USP28: variants seen among roughly 807,000 people sequenced by gnomAD.
USP28 encodes ubiquitin carboxyl-terminal hydrolase 28.
Under a neutral mutation model 145.0 loss-of-function variants are expected in USP28, and 113 were observed. The ratio of observed to expected loss-of-function variants is 0.78; its 90% CI spans 0.67 to 0.91. USP28 has a LOEUF of 0.91. USP28 is among the 40% of genes least tolerant of loss of function. USP28 has a pLI of 0.00. For missense variants in USP28, 1,201 were observed against 1,289.6 expected (o/e 0.93, Z 1.05); for synonymous variants, 447 against 450.9 (o/e 0.99, Z 0.11).
At chr11:113,867,665 C>G (rs972472427) in intron 1 of USP28, among the ~76,000 whole-genome samples, 3 of 151,902 alleles carry the variant, frequency 2.0e-5, no homozygotes, top group Non-Finnish European at 2.9e-5. Flanking sequence ...GATTTTCAAA[C>G]AGTAGTACAC....
chr11:113,837,671 C>T (rs1944724206), intron 5 of USP28, among the ~76,000 whole-genome samples: 4 of 152,202 alleles, frequency 2.6e-5, no homozygotes, highest in African/African-American at 4.8e-5. Context: ...AACTACCCTT[C>T]ATTAAATTCA....
chr11:113,849,020 T>C (rs905257964), intron 3 of USP28, among the ~76,000 whole-genome samples: 1 of 152,172 alleles, frequency 6.6e-6, no homozygotes, highest in Non-Finnish European at 1.5e-5. Flanking sequence ...ATTGAGGACA[T>C]AAAATAATCT....
At chr11:113,817,721 G>A (rs756781503) in exon 13 of USP28, 1 of 1,614,202 alleles carries the variant, frequency 6.2e-7, no homozygotes, top group Non-Finnish European at 8.5e-7. Context: ...TGTCATATGT[G>A]TGTCACTTTC....
At chr11:113,867,691 G>C (rs1457298295) in intron 1 of USP28, among the ~76,000 whole-genome samples, 6 of 151,202 alleles carry the variant, frequency 4.0e-5, no homozygotes, top group Admixed American at 1.3e-4. Flanking sequence ...TCATGCCTGT[G>C]AATAGCCACT....
intron 5 of USP28, 82 bp downstream of exon 5, chr11:113,840,516 G>A: frequency 1.3e-6 from 2 of 1,506,590 alleles, no homozygotes; most frequent in Non-Finnish European, 1.8e-6. Context: ...TTAATCCTTT[G>A]AAAGCTATGT....
At chr11:113,837,123 G>GTGATTA (rs1426470148) in intron 5 of USP28, among the ~76,000 whole-genome samples, 2 of 152,020 alleles carry the variant, frequency 1.3e-5, no homozygotes, top group Non-Finnish European at 2.9e-5. Context: ...TTTTTCTACT[G>GTGATTA]GACCAATCAC....
chr11:113,807,262 A>T (rs1416539743), intron 18 of USP28, among the ~76,000 whole-genome samples: 2 of 151,982 alleles, frequency 1.3e-5, no homozygotes, highest in African/African-American at 4.8e-5. Context: ...TAGTAGAGAC[A>T]GGGGTTTCAC....
intron 1 of USP28, among the ~76,000 whole-genome samples, chr11:113,857,500 T>A (rs538072998): frequency 6.6e-6 from 1 of 152,328 alleles, no homozygotes; most frequent in East Asian, 1.9e-4. Context: ...AATTTTTAAG[T>A]GACATACGCA....
intron 3 of USP28, among the ~76,000 whole-genome samples, chr11:113,844,751 A>G (rs1165365738): frequency 6.6e-6 from 1 of 152,140 alleles, no homozygotes; most frequent in Non-Finnish European, 1.5e-5. Flanking sequence ...AATATTAATA[A>G]TAAAACTGGC....
intron 3 of USP28, among the ~76,000 whole-genome samples, chr11:113,847,752 T>C (rs999616038): frequency 1.3e-5 from 2 of 152,202 alleles, no homozygotes; most frequent in African/African-American, 4.8e-5. Context: ...ATTCTATTTC[T>C]AGGTATATAC....
intron 12 of USP28, chr11:113,821,090 T>C: frequency 4.1e-6 from 1 of 244,326 alleles, no homozygotes; most frequent in Non-Finnish European, 8.9e-6. Context: ...GGTGAGGGAC[T>C]TGGGATGAAA....
chr11:113,872,950 A>C (rs1948980502), intron 1 of USP28, among the ~76,000 whole-genome samples: 1 of 152,198 alleles, frequency 6.6e-6, no homozygotes, highest in African/African-American at 2.4e-5. Context: ...AGAGTACTAC[A>C]TATTTCTCGC....
At chr11:113,824,281 T>C (rs1943040214) in intron 11 of USP28, among the ~76,000 whole-genome samples, 1 of 152,140 alleles carries the variant, frequency 6.6e-6, no homozygotes, top group Non-Finnish European at 1.5e-5. Context: ...ACTTATTTAA[T>C]AAATGGAGCT....
chr11:113,864,513 G>C (rs1376999270), intron 1 of USP28, among the ~76,000 whole-genome samples: 1 of 152,210 alleles, frequency 6.6e-6, no homozygotes, highest in Admixed American at 6.5e-5. Flanking sequence ...AACCAGGAAA[G>C]TTGAGTGTGT....
chr11:113,849,842 A>T (rs1946271166), intron 3 of USP28, among the ~76,000 whole-genome samples: 1 of 152,178 alleles, frequency 6.6e-6, no homozygotes, highest in Non-Finnish European at 1.5e-5. Context: ...TGGCAACCCT[A>T]GGGGACTACA....
chr11:113,801,445 T>A lies in USP28; in HGVS notation c.3058+38A>T, dbSNP rs1158759673. 5 of 1,474,142 alleles carry A rather than the reference T, an allele frequency of 3.4e-6. No individual in the cohort carries two copies. In the African/African-American group the frequency reaches 6.9e-5, roughly 20 times the overall value. 91.3% of individuals were successfully genotyped at this position (1,474,142 alleles called of 1,614,324 possible). A position where few individuals can be genotyped will look rare whatever the true frequency, so the allele number is the denominator to read the frequency against. On this transcript the variant is annotated intron_variant, in intron 24 of 24. Coordinates refer to ENST00000003302, the Ensembl canonical transcript of USP28. ...GTGAGAACACTGAAATTTCTACAATTCTCAAAACCTCAGAATATTATTACC... is the reference window on the plus strand; with the variant it reads ...GTGAGAACACTGAAATTTCTACAATACTCAAAACCTCAGAATATTATTACC...
intron 5 of USP28, among the ~76,000 whole-genome samples, chr11:113,838,911 G>A (rs1944885590): frequency 6.6e-6 from 1 of 152,198 alleles, no homozygotes; most frequent in African/African-American, 2.4e-5. Flanking sequence ...TTGAGCAGCT[G>A]GGTAGGTGCC....
chr11:113,829,002 T>C (rs1943682134), intron 10 of USP28, 195 bp downstream of exon 10: 1 of 751,974 alleles, frequency 1.3e-6, no homozygotes, highest in Non-Finnish European at 2.3e-6. Flanking sequence ...CTCAAATTCA[T>C]AGTTTTAGTA....
At chr11:113,844,299 G>T (rs1945561454) in intron 3 of USP28, among the ~76,000 whole-genome samples, 1 of 151,930 alleles carries the variant, frequency 6.6e-6, no homozygotes. Context: ...AAATTAGCCG[G>T]GCGTGGTGGC....
Sources: allele counts gnomAD v4.1 joint callset (sites outside exome capture counted in the v4.1 genomes callset), GRCh38; gene constraint gnomAD v4.1.1; transcripts MANE v1.5; gene names NCBI Gene and HGNC (gene_info 2026-07-23, HGNC 2026-07-21).